The following SMC4 variants were observed in gnomAD, a reference collection of about 807,000 sequenced individuals.
SMC4 encodes structural maintenance of chromosomes 4, also known as structural maintenance of chromosomes protein 4.
SMC4 carries 87 observed loss-of-function variants against 145.6 expected under a neutral mutation model. That is an observed-to-expected ratio of 0.60 (90% confidence interval 0.50 to 0.71). The LOEUF (loss-of-function observed/expected upper bound fraction) is 0.71. SMC4 is among the 30% of genes least tolerant of loss of function. SMC4 has a pLI of 0.00. For synonymous variants in SMC4, 558 were observed against 500.7 expected (o/e 1.11, Z -1.53); for missense variants, 1,447 against 1,537.1 (o/e 0.94, Z 0.98).
intron 2 of SMC4, among the ~76,000 whole-genome samples, 196 bp downstream of exon 2, chr3:160,401,161 G>A (rs776708699): frequency 5.3e-4 from 80 of 152,094 alleles, no homozygotes; most frequent in Non-Finnish European, 2.9e-4. Flanking sequence ...TAACGGCGCT[G>A]GAAGGGATGG....
intron 6 of SMC4, 92 bp downstream of exon 6, chr3:160,412,176 TAATG>T (rs553220518): frequency 1.6e-4 from 232 of 1,455,116 alleles, no homozygotes; most frequent in Non-Finnish European, 1.7e-4. Context: ...TTATAATACT[TAATG>T]AAGAAGTGTT....
chr3:160,403,984 A>C (rs1188003131), intron 4 of SMC4: 9 of 213,540 alleles, frequency 4.2e-5, no homozygotes, highest in Non-Finnish European at 6.4e-5. Context: ...TAATCTGTCA[A>C]CATGTTAATA....
intron 3 of SMC4, 44 bp downstream of exon 3, chr3:160,402,137 A>AC: frequency 8.0e-7 from 1 of 1,255,388 alleles, no homozygotes; most frequent in Non-Finnish European, 1.1e-6. Flanking sequence ...TTAAATAACT[A>AC]TTGTAAGGTA....
At chr3:160,421,289 A>G (rs999232141) in intron 13 of SMC4, among the ~76,000 whole-genome samples, 3 of 152,052 alleles carry the variant, frequency 2.0e-5, no homozygotes, top group African/African-American at 4.8e-5. Context: ...CTTTTTCTTA[A>G]TGGTTACTCA....
In SMC4 at chr3:160,402,815, A is replaced by C; in HGVS notation, c.458A>C (p.Lys153Thr). 6.2e-7 allele frequency: 1 copy of C among 1,606,404 alleles called. No homozygotes were observed. The highest frequency in any genetic ancestry group is 2.2e-5 in the East Asian group (1 of 44,594). The change falls in exon 4 of 24, where the codon AAG becomes ACG. Residue 153 changes from lysine (K) to threonine (T), a missense_variant. Physicochemically the swap from Lys to Thr is moderately conservative, Grantham distance 78. Transcript: ENST00000357388. ...TTAATACATAATTCTGATGAACACAAGGACATTCAGAGTTGTACAGTAGAA... is the reference window on the plus strand; with the variant it reads ...TTAATACATAATTCTGATGAACACACGGACATTCAGAGTTGTACAGTAGAA... ...SVLIHNSDEH[K>T]DIQSCTVEVH...
rs1254490248 is a variant in SMC4, at chr3:160,434,064, A to AAACT, written c.*258_*261dup. The AAACT allele has an allele frequency of 2.7e-5, 8 of 299,656 alleles. No homozygotes were observed. The Admixed American group carries it at 2.8e-4, about 11-fold the overall frequency. The allele number at this position is 299,656 out of a possible 1,614,324, so 18.6% of individuals were successfully genotyped here. A position where few individuals can be genotyped will look rare whatever the true frequency, so the allele number is the denominator to read the frequency against. Reference sequence around the variant, plus strand: ...TACCTGGAGGGTCAGGTAACTTGCCAAACTAAAAAGTATGTTAGTTGAGGC... The same window carrying AAACT: ...TACCTGGAGGGTCAGGTAACTTGCCAAACTAACTAAAAAGTATGTTAGTTGAGGC... On this transcript the variant is annotated 3_prime_UTR_variant, in exon 24 of 24. Coordinates refer to ENST00000357388, the MANE Select transcript of SMC4 (RefSeq NM_001002800.3).
chr3:160,413,458 T>C lies in SMC4; in HGVS notation c.981-15T>C, dbSNP rs766333456. Reference sequence around the variant, plus strand: ...TAGGAGCTTCAATTTCTTTTTTTTTTTTTCCTCCCTATAGTTATGAGTTGC... The same window carrying C: ...TAGGAGCTTCAATTTCTTTTTTTTTCTTTCCTCCCTATAGTTATGAGTTGC... On this transcript the variant is annotated splice_polypyrimidine_tract_variant and intron_variant, in intron 7 of 23. Coordinates refer to ENST00000357388, the MANE Select transcript of SMC4 (RefSeq NM_001002800.3). 5.2e-5 allele frequency: 81 copies of C among 1,570,876 alleles called. No homozygotes were observed. Among genetic ancestry groups the C allele is most frequent in the Non-Finnish European group, 6.9e-5 (80 of 1,167,850 alleles).
chr3:160,413,448 CTT>C (rs77742046), intron 7 of SMC4, 23 bp from the exon 8 acceptor site: 2,398 of 1,253,582 alleles, frequency 1.9e-3, no homozygotes, highest in Admixed American at 5.3e-3. Flanking sequence ...GCTTCAATTT[CTT>C]TTTTTTTTTT....
In SMC4 at chr3:160,433,759, A is replaced by G; in HGVS notation, c.3817A>G (p.Lys1273Glu). 1 of 1,603,138 alleles carries G rather than the reference A, an allele frequency of 6.2e-7. No homozygotes were observed. The highest frequency in any genetic ancestry group is 8.5e-7 in the Non-Finnish European group (1 of 1,175,874). ...IGIYKTYNIT[K>E]SVAVNPKEIA... ...AATTTACAAGACATACAACATAACA[A>G]AAAGTGTTGCTGTAAATCCAAAAGA... The change falls in exon 24 of 24, where the codon AAA becomes GAA. Residue 1273 changes from lysine (K) to glutamate (E), a missense_variant. Lys to Glu is a moderately conservative substitution (Grantham distance 56). Transcript: ENST00000357388.
In SMC4 at chr3:160,420,254, T is replaced by G. The variant is rs538195554; in HGVS notation, c.1858-486T>G. Among the ~76,000 whole-genome samples the G allele has an allele frequency of 1.2e-4, 18 of 152,314 alleles. No homozygotes were observed. In the South Asian group the frequency reaches 3.5e-3, roughly 30 times the overall value. On this transcript the variant is annotated intron_variant, in intron 12 of 23. Coordinates refer to ENST00000357388, the MANE Select transcript of SMC4 (RefSeq NM_001002800.3). Reference sequence around the variant, plus strand: ...TCAGCCTTTCGGAGAAGGGAACAAATTGATGTAAAAATTACCCAACATGAT... The same window carrying G: ...TCAGCCTTTCGGAGAAGGGAACAAAGTGATGTAAAAATTACCCAACATGAT...
rs562256741 is a variant in SMC4 at position 160,407,062 on chromosome 3, T to C, written c.687+2558T>C. Among the ~76,000 whole-genome samples the C allele has an allele frequency of 1.4e-4, 21 of 152,316 alleles. No homozygotes were observed. The South Asian group carries it at 3.5e-3, about 26-fold the overall frequency. On this transcript the variant is annotated intron_variant, in intron 5 of 23. Transcript: ENST00000357388. ...ACATTTCTTGGGTAACTATGACTTA[T>C]AAATTAGGGGTGCTTTTGCTCCATT...
In SMC4 at chr3:160,426,042, TA is replaced by T. The variant is rs761779823; in HGVS notation, c.2479-31del. 4.6e-6 allele frequency: 7 copies of T among 1,515,466 alleles called. No homozygotes were observed. In the South Asian group the frequency reaches 7.4e-5, roughly 16 times the overall value. The allele number at this position is 1,515,466 out of a possible 1,614,324, so 93.9% of individuals were successfully genotyped here. Reference sequence around the variant, plus strand: ...ACAATGTTTAAAGCAAATGTTAAAATATTGACCTTAAATGTTAAAACTTTTT... The same window carrying T: ...ACAATGTTTAAAGCAAATGTTAAAATTTGACCTTAAATGTTAAAACTTTTT... On this transcript the variant is annotated intron_variant, in intron 16 of 23. Coordinates refer to ENST00000357388, the MANE Select transcript of SMC4 (RefSeq NM_001002800.3).
intron 18 of SMC4, among the ~76,000 whole-genome samples, chr3:160,429,411 A>C (rs1267603308): frequency 6.6e-6 from 1 of 152,146 alleles, no homozygotes; most frequent in Non-Finnish European, 1.5e-5. Flanking sequence ...TGGCACAGTC[A>C]GGGCTCACTG....
At chr3:160,413,805 A>ACACG (rs1448417075) in intron 8 of SMC4, 192 bp downstream of exon 8, 2 of 398,906 alleles carry the variant, frequency 5.0e-6, no homozygotes, top group East Asian at 1.1e-4. Flanking sequence ...CCTACTCTGA[A>ACACG]GTCTTAGAAC....
chr3:160,428,696 C>G (rs1718057532), intron 17 of SMC4, 57 bp from the exon 18 acceptor site: 5 of 1,454,740 alleles, frequency 3.4e-6, no homozygotes, highest in Non-Finnish European at 4.6e-6. Context: ...GTACATCTAA[C>G]AAATGATGTT....
At chr3:160,416,163 C>A in intron 9 of SMC4, 88 bp from the exon 10 acceptor site, 2 of 879,052 alleles carry the variant, frequency 2.3e-6, no homozygotes, top group Non-Finnish European at 1.6e-6. Context: ...ACTAGAGGAC[C>A]CTGAGAAATG....
chr3:160,417,536 C>CT (rs922346865), intron 10 of SMC4, 187 bp from the exon 11 acceptor site: 51 of 584,724 alleles, frequency 8.7e-5, no homozygotes, highest in African/African-American at 7.5e-4. Context: ...TGGGAAAAGA[C>CT]TATGTACAGT....
At chr3:160,427,995 C>T (rs547748274) in intron 17 of SMC4, among the ~76,000 whole-genome samples, 1 of 152,278 alleles carries the variant, frequency 6.6e-6, no homozygotes, top group South Asian at 2.1e-4. Context: ...CTTATAATCC[C>T]AGCTACATGG....
chr3:160,414,319 A>G (rs770716546), intron 8 of SMC4, 48 bp from the exon 9 acceptor site: 1 of 1,470,458 alleles, frequency 6.8e-7, no homozygotes, highest in Admixed American at 1.7e-5. Context: ...TGGTTTTAAA[A>G]TATGTGCACA....
Sources: allele counts gnomAD v4.1 joint callset (sites outside exome capture counted in the v4.1 genomes callset), GRCh38; gene constraint gnomAD v4.1.1; transcripts MANE v1.5; gene names NCBI Gene and HGNC (gene_info 2026-07-23, HGNC 2026-07-21).